The following PM20D2 variants were observed in gnomAD, a reference collection of about 807,000 sequenced individuals.
PM20D2 encodes the protein peptidase M20 domain containing 2, also known as xaa-Arg dipeptidase.
PM20D2 carries 33 observed loss-of-function variants against 42.9 expected under a neutral mutation model. The ratio of observed to expected loss-of-function variants is 0.77; its 90% confidence interval spans 0.58 to 1.03. The LOEUF is 1.03. Among genes scored for constraint, PM20D2 ranks in the 50% least tolerant of loss-of-function variants. The pLI, the probability that PM20D2 is intolerant of heterozygous loss-of-function variation, is 0.00. For missense variants in PM20D2, 548 were observed against 557.0 expected (o/e 0.98, Z 0.16); for synonymous variants, 250 against 228.2 (o/e 1.10, Z -0.86).
chr6:89,150,626 G>A (rs1473171792), intron 2 of PM20D2, among the ~76,000 whole-genome samples: 3 of 127,990 alleles, frequency 2.3e-5, no homozygotes, highest in African/African-American at 5.9e-5. Context: ...TGCAACCTCC[G>A]CATCCCAGGT....
chr6:89,120,284 G>A, the PM20D2 span, among the ~76,000 whole-genome samples: 4 of 152,168 alleles, frequency 2.6e-5, no homozygotes, highest in South Asian at 2.1e-4. Context: ...GACATTTGTC[G>A]TTGGATTTAG....
chr6:89,134,824 A>T, the PM20D2 span, among the ~76,000 whole-genome samples: 1 of 151,284 alleles, frequency 6.6e-6, no homozygotes, highest in Non-Finnish European at 1.5e-5. Context: ...AAGGGATGCA[A>T]GATAGGGCAG....
the PM20D2 span, among the ~76,000 whole-genome samples, chr6:89,133,103 C>T: frequency 1.3e-5 from 2 of 149,622 alleles, no homozygotes; most frequent in Non-Finnish European, 2.9e-5. Flanking sequence ...GTGATGCATG[C>T]CTATGGTCCC....
chr6:89,151,185 T>A (rs1770823861), intron 2 of PM20D2, among the ~76,000 whole-genome samples: 1 of 146,550 alleles, frequency 6.8e-6, no homozygotes, highest in African/African-American at 2.5e-5. Flanking sequence ...GAGAACAAGA[T>A]CAAGAATTCA....
At chr6:89,130,813 C>A in the PM20D2 span, among the ~76,000 whole-genome samples, 1 of 48,458 alleles carries the variant, frequency 2.1e-5, no homozygotes, top group African/African-American at 8.3e-5. Context: ...TATCTGGCTT[C>A]TTCTTCTTTT....
At chr6:89,120,731 A>G in the PM20D2 span, among the ~76,000 whole-genome samples, 1 of 151,962 alleles carries the variant, frequency 6.6e-6, no homozygotes, top group East Asian at 1.9e-4. Context: ...AAATTAGCCA[A>G]CCATGGTGGC....
At chr6:89,101,348 C>T in the PM20D2 span, among the ~76,000 whole-genome samples, 1 of 152,120 alleles carries the variant, frequency 6.6e-6, no homozygotes, top group Non-Finnish European at 1.5e-5. Context: ...TTTCAAAAAG[C>T]TCAATAAACC....
At chr6:89,141,750 T>C (rs1430023621), upstream of PM20D2, among the ~76,000 whole-genome samples, 1 of 152,206 alleles carries the variant, frequency 6.6e-6, no homozygotes, top group Admixed American at 6.5e-5. Context: ...GTAGAACAAA[T>C]TTCTGATCTT....
At chr6:89,109,146 G>GTAC in the PM20D2 span, among the ~76,000 whole-genome samples, 3 of 152,128 alleles carry the variant, frequency 2.0e-5, no homozygotes, top group Non-Finnish European at 2.9e-5. Context: ...CCTCTCCTGA[G>GTAC]TACTGTAATC....
intron 4 of PM20D2, among the ~76,000 whole-genome samples, chr6:89,157,120 A>G (rs1771076145): frequency 6.6e-6 from 1 of 151,960 alleles, no homozygotes; most frequent in African/African-American, 2.4e-5. Context: ...TTGTAGAGAT[A>G]GGCTCTCCCT....
At chr6:89,116,160 C>T in the PM20D2 span, among the ~76,000 whole-genome samples, 4 of 152,196 alleles carry the variant, frequency 2.6e-5, no homozygotes, top group Non-Finnish European at 4.4e-5. Flanking sequence ...ATAGTCCACA[C>T]CATCCTACTG....
At position 89,164,495 on chromosome 6, in the gene PM20D2, T is replaced by C. The variant is rs1771344586; in HGVS notation, c.*2232T>C. ...GTAACAGAAGAGTGACAACCAATAG[T>C]TTTTTGATCATTAAATCAAATTTTG... On this transcript the variant is annotated 3_prime_UTR_variant, in exon 7 of 7. Coordinates refer to ENST00000275072, the MANE Select transcript of PM20D2 (RefSeq NM_001010853.3). The C allele has an allele frequency of 1.3e-5, 2 of 152,596 alleles. No homozygotes were observed. The highest frequency in any genetic ancestry group is 4.8e-5 in the African/African-American group (2 of 41,436). 9.5% of individuals were successfully genotyped at this position (152,596 alleles called of 1,614,324 possible). A position where few individuals can be genotyped will look rare whatever the true frequency, so the allele number is the denominator to read the frequency against.
intron 6 of PM20D2, 104 bp from the exon 7 acceptor site, chr6:89,162,005 T>A: frequency 6.8e-7 from 1 of 1,478,232 alleles, no homozygotes; most frequent in Non-Finnish European, 9.3e-7. Flanking sequence ...AATACTGCAC[T>A]GTGGTGGGCA....
chr6:89,113,852 T>C, the PM20D2 span, among the ~76,000 whole-genome samples: 25 of 152,018 alleles, frequency 1.6e-4, no homozygotes, highest in Non-Finnish European at 2.9e-4. Context: ...TATGTTTCCC[T>C]GGCTGGTTTC....
At chr6:89,138,106 G>T in the PM20D2 span, among the ~76,000 whole-genome samples, 1 of 149,884 alleles carries the variant, frequency 6.7e-6, no homozygotes, top group African/African-American at 2.5e-5. Flanking sequence ...GTAGAGACAA[G>T]GTCTCACTAT....
Position 89,146,770 on chromosome 6 carries a change from G to T in PM20D2, c.465+161G>T, listed in dbSNP as rs1770588277. 3.3e-5 allele frequency among the ~76,000 whole-genome samples: 5 copies of T among 152,248 alleles called. No homozygotes were observed. The South Asian group carries it at 1.0e-3, about 31-fold the overall frequency. The stretch of plus-strand genomic sequence containing the variant: ...ACCTGCGGTCCTCGCCTCGGCGCAG[G>T]AGCAGAGCTGAACCCCCAGTCAAAG... On this transcript the variant is annotated intron_variant, in intron 1 of 6. Transcript: ENST00000275072.
At chr6:89,098,463 C>G in the PM20D2 span, 1 of 1,329,894 alleles carries the variant, frequency 7.5e-7, no homozygotes, top group South Asian at 1.7e-5. Context: ...TTCCATATGC[C>G]CAAAGTAACT....
At chr6:89,103,046 G>T in the PM20D2 span, among the ~76,000 whole-genome samples, 1 of 152,068 alleles carries the variant, frequency 6.6e-6, no homozygotes, top group East Asian at 1.9e-4. Flanking sequence ...TCACAGGTGT[G>T]AGCCACTGCA....
intron 5 of PM20D2, among the ~76,000 whole-genome samples, chr6:89,160,525 A>G (rs1378348288): frequency 6.6e-6 from 1 of 152,218 alleles, no homozygotes; most frequent in Non-Finnish European, 1.5e-5. Flanking sequence ...TGTAATAAAC[A>G]TTCAGTAAAT....
Sources: allele counts gnomAD v4.1 joint callset (sites outside exome capture counted in the v4.1 genomes callset), GRCh38; gene constraint gnomAD v4.1.1; transcripts MANE v1.5; gene names NCBI Gene and HGNC (gene_info 2026-07-23, HGNC 2026-07-21).